SORCS2: variants seen among roughly 807,000 people sequenced by gnomAD.
The protein encoded by SORCS2 is sortilin related VPS10 domain containing receptor 2, also known as VPS10 domain-containing receptor SorCS2.
A neutral mutation model predicts 141.6 loss-of-function variants in SORCS2; 100 were observed. That is an observed-to-expected ratio of 0.71 (90% CI 0.60 to 0.83). The LOEUF (loss-of-function observed/expected upper bound fraction) is 0.83. SORCS2 is among the 40% of genes least tolerant of loss of function. SORCS2 has a pLI of 0.00. For missense variants in SORCS2, 1,646 were observed against 1,560.2 expected (o/e 1.05, Z -0.93); for synonymous variants, 789 against 676.9 (o/e 1.17, Z -2.57).
At chr4:7,467,907 C>G (rs1729718112) in intron 2 of SORCS2, among the ~76,000 whole-genome samples, 1 of 152,252 alleles carries the variant, frequency 6.6e-6, no homozygotes, top group Non-Finnish European at 1.5e-5. Flanking sequence ...CCCTTGGCCT[C>G]TTTATCACAG....
At chr4:7,568,519 A>G (rs141187674) in intron 3 of SORCS2, among the ~76,000 whole-genome samples, 3 of 152,232 alleles carry the variant, frequency 2.0e-5, no homozygotes, top group African/African-American at 7.2e-5. Flanking sequence ...TTCCATCCTC[A>G]TTTCATGTTC....
intron 3 of SORCS2, among the ~76,000 whole-genome samples, chr4:7,566,362 T>TGAC (rs1459977186): frequency 1.3e-5 from 2 of 152,084 alleles, no homozygotes; most frequent in Non-Finnish European, 2.9e-5. Flanking sequence ...ATGATGATGA[T>TGAC]GACTCTGCTA....
chr4:7,502,570 T>G (rs1732034509), intron 2 of SORCS2, among the ~76,000 whole-genome samples: 2 of 152,238 alleles, frequency 1.3e-5, no homozygotes, highest in Non-Finnish European at 2.9e-5. Context: ...TTGTTGCTCC[T>G]CCTCTTGATG....
At position 7,329,702 on chromosome 4, in the gene SORCS2, A is replaced by G. The variant is rs143107514; in HGVS notation, c.481-66586A>G. Among the ~76,000 whole-genome samples the G allele has an allele frequency of 7.0e-3, 1,060 of 152,378 alleles. 14 individuals carry two copies. Among genetic ancestry groups the G allele is most frequent in the African/African-American group, 0.023 (953 of 41,590 alleles). On this transcript the variant is annotated intron_variant, in intron 1 of 26. Transcript: ENST00000507866. ...CTTGAGACAGCACAAATGTACAGAC[A>G]GCCCCCAACTTACAATGGCTCAACT...
At chr4:7,278,222 C>T (rs998189267) in intron 1 of SORCS2, among the ~76,000 whole-genome samples, 1 of 152,186 alleles carries the variant, frequency 6.6e-6, no homozygotes, top group African/African-American at 2.4e-5. Flanking sequence ...GGAGGAGCTG[C>T]ATGGGCATCA....
intron 1 of SORCS2, among the ~76,000 whole-genome samples, chr4:7,223,538 G>C (rs1374567791): frequency 6.6e-6 from 1 of 152,148 alleles, no homozygotes; most frequent in Non-Finnish European, 1.5e-5. Flanking sequence ...CTCTTTATCT[G>C]TGTGTCTGGT....
chr4:7,449,528 G>A (rs1034546515), intron 2 of SORCS2, among the ~76,000 whole-genome samples: 1 of 150,922 alleles, frequency 6.6e-6, no homozygotes, highest in Non-Finnish European at 1.5e-5. Flanking sequence ...CTGTGAGATG[G>A]GGATGACACT....
chr4:7,685,796 A>T (rs1250260692), intron 10 of SORCS2, among the ~76,000 whole-genome samples: 2 of 152,178 alleles, frequency 1.3e-5, no homozygotes, highest in African/African-American at 4.8e-5. Flanking sequence ...AAGTTGGGCC[A>T]CTCACAGCAC....
chr4:7,582,765 C>T (rs1022921872), intron 3 of SORCS2, among the ~76,000 whole-genome samples: 2 of 152,186 alleles, frequency 1.3e-5, no homozygotes, highest in Non-Finnish European at 2.9e-5. Context: ...CCAGCAAGAG[C>T]GTCTGCCCCT....
intron 18 of SORCS2, among the ~76,000 whole-genome samples, chr4:7,723,152 C>T (rs1726710664): frequency 6.6e-6 from 1 of 152,172 alleles, no homozygotes; most frequent in Admixed American, 6.5e-5. Flanking sequence ...CCTCTCTGCA[C>T]TCACCCTGCC....
At chr4:7,295,852 G>C (rs1262930835) in intron 1 of SORCS2, among the ~76,000 whole-genome samples, 1 of 152,236 alleles carries the variant, frequency 6.6e-6, no homozygotes, top group East Asian at 1.9e-4. Flanking sequence ...CAGGCTGATG[G>C]AGCAGCATGC....
chr4:7,384,877 G>A (rs553325323), intron 1 of SORCS2, among the ~76,000 whole-genome samples: 4 of 152,344 alleles, frequency 2.6e-5, no homozygotes, highest in South Asian at 4.1e-4. Context: ...CAGGGGGCGC[G>A]GACACTGCAT....
At chr4:7,375,922 C>G (rs894038053) in intron 1 of SORCS2, among the ~76,000 whole-genome samples, 29 of 152,166 alleles carry the variant, frequency 1.9e-4, no homozygotes, top group African/African-American at 7.2e-5. Flanking sequence ...CTCTCTGGGC[C>G]TCAGTGGCAA....
At position 7,726,762 on chromosome 4, in the gene SORCS2, C is replaced by T. The variant is rs1727246473; in HGVS notation, c.2746-18C>T. On this transcript the variant is annotated intron_variant, in intron 20 of 26. Transcript: ENST00000507866. ...GCCTCACTCGGCCAGGCCCCTAAGC[C>T]CTGCTGTGCCCCTGCAGCCCCTCCT... 2 of 1,612,202 alleles carry T rather than the reference C, an allele frequency of 1.2e-6. No individual in the cohort carries two copies. The highest frequency in any genetic ancestry group is 1.7e-6 in the Non-Finnish European group (2 of 1,179,052).
rs1291203160 is a variant in SORCS2, at chr4:7,447,140, C to G, written c.548+50785C>G. Among the ~76,000 whole-genome samples the G allele has an allele frequency of 2.6e-5, 4 of 152,196 alleles. No homozygotes were observed. In the South Asian group the frequency reaches 8.3e-4, roughly 32 times the overall value. On this transcript the variant is annotated intron_variant, in intron 2 of 26. Transcript: ENST00000507866. ...GTTCTGGGGGCTGGAAGTCCTAGATCAAGGTATGGGCAGAGTTGGTTCCTT... is the reference window on the plus strand; with the variant it reads ...GTTCTGGGGGCTGGAAGTCCTAGATGAAGGTATGGGCAGAGTTGGTTCCTT...
At chr4:7,577,815 C>T (rs1388078135) in intron 3 of SORCS2, among the ~76,000 whole-genome samples, 2 of 147,736 alleles carry the variant, frequency 1.4e-5, no homozygotes, top group Admixed American at 6.8e-5. Context: ...ATATAGCATA[C>T]AGGCGAAGTC....
intron 1 of SORCS2, among the ~76,000 whole-genome samples, chr4:7,280,112 G>C (rs1328587202): frequency 6.6e-6 from 1 of 152,106 alleles, no homozygotes. Flanking sequence ...TCTCCTTTTT[G>C]GGTGGCATGA....
intron 2 of SORCS2, among the ~76,000 whole-genome samples, chr4:7,497,159 G>T (rs562988390): frequency 6.6e-6 from 1 of 152,226 alleles, no homozygotes; most frequent in Non-Finnish European, 1.5e-5. Flanking sequence ...TTGAGGATCC[G>T]CATGGCGCTC....
Position 7,664,559 on chromosome 4 carries a change from A to T in SORCS2, c.1071+88A>T. On this transcript the variant is annotated intron_variant, in intron 7 of 26. Coordinates refer to ENST00000507866, the MANE Select transcript of SORCS2 (RefSeq NM_020777.3). This position sits in a 1 kb window ranked among gnomAD's most constrained non-coding sequence, Gnocchi z 4.7. ...CGGCAAAAATGGCATCGCTCAGAAA[A>T]GAGGCAATAAAACGGGTATTTCACT... 1.1e-6 allele frequency: 1 copy of T among 915,700 alleles called. No homozygotes were observed. The highest frequency in any genetic ancestry group is 1.6e-5 in the South Asian group (1 of 61,018). The allele number at this position is 915,700 out of a possible 1,614,324, so 56.7% of individuals were successfully genotyped here. A position where few individuals can be genotyped will look rare whatever the true frequency, so the allele number is the denominator to read the frequency against.
Sources: allele counts gnomAD v4.1 joint callset (sites outside exome capture counted in the v4.1 genomes callset), GRCh38; gene constraint gnomAD v4.1.1; non-coding constraint Gnocchi (gnomAD v3.1); transcripts MANE v1.5; gene names NCBI Gene and HGNC (gene_info 2026-07-23, HGNC 2026-07-21).